Variants in PXYLP1 observed in about 807,000 individuals in gnomAD.
PXYLP1 encodes acid phosphatase-like 2.
Under a neutral mutation model 37.9 loss-of-function variants are expected in PXYLP1, and 17 were observed. That is an observed-to-expected ratio of 0.45 (90% CI 0.31 to 0.67). The LOEUF (loss-of-function observed/expected upper bound fraction) is 0.67, where lower values mean the gene tolerates loss of function less well. PXYLP1 is among the 30% of genes least tolerant of loss of function. PXYLP1 has a pLI of 0.07. For synonymous variants in PXYLP1, 221 were observed against 232.2 expected (o/e 0.95, Z 0.44); for missense variants, 511 against 612.0 (o/e 0.84, Z 1.74).
chr3:141,287,186 T>C, intron 4 of PXYLP1, 128 bp from the exon 5 acceptor site: 1 of 926,154 alleles, frequency 1.1e-6, no homozygotes, highest in Non-Finnish European at 1.7e-6. Context: ...GAAAAGTGAT[T>C]GAGCCGGTAC....
chr3:141,294,700 A>G lies in PXYLP1; in HGVS notation c.*1495A>G, dbSNP rs1942309057. 6.6e-6 allele frequency: 1 copy of G among 152,224 alleles called. No homozygotes were observed. The highest frequency in any genetic ancestry group is 1.9e-4 in the East Asian group (1 of 5,202). 9.4% of individuals were successfully genotyped at this position (152,224 alleles called of 1,614,324 possible). On this transcript the variant is annotated 3_prime_UTR_variant, in exon 6 of 6. Coordinates refer to ENST00000286353, the MANE Select transcript of PXYLP1 (RefSeq NM_001037172.3). ...GAGTTATTTTCAAGTGAGAGCCAGT[A>G]TTTTATTTTTCCCCCTTCATTCAAA...
At chr3:141,263,008 GC>G (rs758627148) in intron 2 of PXYLP1, among the ~76,000 whole-genome samples, 1 of 152,118 alleles carries the variant, frequency 6.6e-6, no homozygotes, top group Non-Finnish European at 1.5e-5. Context: ...GTTTTCTCAT[GC>G]TTTAAGTAAA....
rs148105189 is a variant in PXYLP1 at position 141,253,325 on chromosome 3, G to T, written c.-53-6798G>T. 2.4e-3 allele frequency among the ~76,000 whole-genome samples: 358 copies of T among 152,310 alleles called. 3 individuals are homozygous for T. The highest frequency in any genetic ancestry group is 8.2e-3 in the African/African-American group (342 of 41,546). On this transcript the variant is annotated intron_variant, in intron 1 of 5. Transcript: ENST00000286353. ...TGGCAGGGGCACCCCAGCTCCGCCT[G>T]TGTGGCCTCTGGGCAGCTGGCTTTC...
chr3:141,237,300 G>C (rs1434736286), intron 1 of PXYLP1, among the ~76,000 whole-genome samples: 1 of 152,214 alleles, frequency 6.6e-6, no homozygotes, highest in Non-Finnish European at 1.5e-5. Context: ...GTAGCACCCA[G>C]AAACCTGAAA....
At chr3:141,283,944 A>C (rs1471274598) in intron 4 of PXYLP1, among the ~76,000 whole-genome samples, 2 of 152,068 alleles carry the variant, frequency 1.3e-5, no homozygotes, top group Admixed American at 1.3e-4. Context: ...GAATGACTTG[A>C]AGGCTTAAGA....
In PXYLP1 at chr3:141,293,135, G is replaced by A. The variant is rs940250582; in HGVS notation, c.1373G>A (p.Arg458Lys). 8 of 1,614,034 alleles carry A rather than the reference G, an allele frequency of 5.0e-6. No individual in the cohort carries two copies. The highest frequency in any genetic ancestry group is 5.9e-6 in the Non-Finnish European group (7 of 1,180,050). ...GAAAACTTGGTCCGCTTTGTGAAAA[G>A]GGACATGTTTGTAGCCCTGGGTGGC... ...PLENLVRFVK[R>K]DMFVALGGSG... is the part of the protein sequence containing the mutation. Residue 458 changes from arginine (R) to lysine (K), a missense_variant, in exon 6 of 6, where the codon AGG becomes AAG. Coordinates refer to ENST00000286353, the MANE Select transcript of PXYLP1 (RefSeq NM_001037172.3).
intron 2 of PXYLP1, among the ~76,000 whole-genome samples, chr3:141,271,822 G>A (rs1576595845): frequency 6.6e-6 from 1 of 152,274 alleles, no homozygotes; most frequent in East Asian, 1.9e-4. Context: ...TCATCCCTGG[G>A]CTAGTTAGCA....
At chr3:141,272,059 G>A (rs772805366) in intron 2 of PXYLP1, among the ~76,000 whole-genome samples, 4 of 152,214 alleles carry the variant, frequency 2.6e-5, no homozygotes, top group Non-Finnish European at 4.4e-5. Flanking sequence ...GCAAGAAGAA[G>A]GCCACATATG....
In PXYLP1 at chr3:141,282,542, C is replaced by T. The variant is rs369783756; in HGVS notation, c.365+3038C>T. The stretch of plus-strand genomic sequence containing the variant: ...GTGTTCATTGTGTATTGTCTGCTTC[C>T]CCAGGCTAGAATATAACCTCCCTAA... On this transcript the variant is annotated intron_variant, in intron 4 of 5. Coordinates refer to ENST00000286353, the MANE Select transcript of PXYLP1 (RefSeq NM_001037172.3). Among the ~76,000 whole-genome samples the T allele has an allele frequency of 2.2e-3, 331 of 151,980 alleles. 2 individuals carry two copies. The highest frequency in any genetic ancestry group is 7.8e-3 in the African/African-American group (322 of 41,368).
chr3:141,236,325 A>G (rs1249736201), intron 1 of PXYLP1: 1 of 152,208 alleles, frequency 6.6e-6, no homozygotes, highest in Non-Finnish European at 1.5e-5. Flanking sequence ...CCTGGGTGTG[A>G]CCAGCTTCCT....
chr3:141,246,560 G>A (rs1940962443), intron 1 of PXYLP1, among the ~76,000 whole-genome samples: 1 of 152,186 alleles, frequency 6.6e-6, no homozygotes, highest in East Asian at 1.9e-4. Flanking sequence ...CAGCATGCTG[G>A]CTGGAGGCAG....
At chr3:141,245,403 C>T (rs953379232) in intron 1 of PXYLP1, among the ~76,000 whole-genome samples, 3 of 152,176 alleles carry the variant, frequency 2.0e-5, no homozygotes, top group African/African-American at 7.2e-5. Flanking sequence ...TCTTTCCATC[C>T]TGGTTTTCCA....
At position 141,262,825 on chromosome 3, in the gene PXYLP1, A is replaced by G. The variant is rs139142633; in HGVS notation, c.79+2571A>G. On this transcript the variant is annotated intron_variant, in intron 2 of 5. Coordinates refer to ENST00000286353, the MANE Select transcript of PXYLP1 (RefSeq NM_001037172.3). Reference sequence around the variant, plus strand: ...GTTGCTTATTATTATACTGTAAGAAACAGCACTAATTCATAACGCACAGGT... The same window carrying G: ...GTTGCTTATTATTATACTGTAAGAAGCAGCACTAATTCATAACGCACAGGT... The G allele has an allele frequency of 1.6e-3, 1,401 of 859,598 alleles. 3 individuals are homozygous for G. Among genetic ancestry groups the G allele is most frequent in the Middle Eastern group, 4.0e-3 (16 of 3,992 alleles). 53.2% of individuals were successfully genotyped at this position (859,598 alleles called of 1,614,324 possible).
rs778386768 is a variant in PXYLP1, at chr3:141,260,191, C to T, written c.16C>T (p.Arg6Cys). 32 of 1,613,766 alleles carry T rather than the reference C, an allele frequency of 2.0e-5. No individual in the cohort carries two copies. Among genetic ancestry groups the T allele is most frequent in the East Asian group, 6.7e-5 (3 of 44,898 alleles). ...ATACTTAATAATGCTTTTCCGCAAC[C>T]GCTTCTTGCTGCTGCTGGCCCTGGC... is the stretch of plus-strand genomic sequence containing the variant. MLFRN[R>C]FLLLLALAAL... Residue 6 changes from arginine (R) to cysteine (C), a missense_variant, in exon 2 of 6, where the codon CGC becomes TGC. Arg to Cys is a radical substitution (Grantham distance 180). Transcript: ENST00000286353.
chr3:141,293,229 G>T lies in PXYLP1; in HGVS notation c.*24G>T, dbSNP rs771937910. ...AAAAGGTATGCAGTACAGCAGTATA[G>T]AATCCATGCCAATACAGAGCATAGG... is the stretch of plus-strand genomic sequence containing the variant. On this transcript the variant is annotated 3_prime_UTR_variant, in exon 6 of 6. Coordinates refer to ENST00000286353, the MANE Select transcript of PXYLP1 (RefSeq NM_001037172.3). 4.4e-6 allele frequency: 7 copies of T among 1,595,782 alleles called. No homozygotes were observed. The South Asian group carries it at 6.8e-5, about 16-fold the overall frequency.
At chr3:141,265,913 G>A (rs949720483) in intron 2 of PXYLP1, among the ~76,000 whole-genome samples, 1 of 152,308 alleles carries the variant, frequency 6.6e-6, no homozygotes, top group South Asian at 2.1e-4. Context: ...CTAAGCAGCA[G>A]GACAATCTGG....
At chr3:141,270,989 C>G (rs941661680) in intron 2 of PXYLP1, among the ~76,000 whole-genome samples, 1 of 152,204 alleles carries the variant, frequency 6.6e-6, no homozygotes, top group Admixed American at 6.5e-5. Context: ...CTCCTGAGCT[C>G]AAGCGATCCT....
intron 1 of PXYLP1, among the ~76,000 whole-genome samples, chr3:141,246,657 G>A (rs1940965804): frequency 6.6e-6 from 1 of 152,156 alleles, no homozygotes; most frequent in Non-Finnish European, 1.5e-5. Flanking sequence ...ACAAATATTG[G>A]TTAAGCACCT....
In PXYLP1 at chr3:141,292,251, G is replaced by A. The variant is rs780279890; in HGVS notation, c.506-17G>A. On this transcript the variant is annotated splice_polypyrimidine_tract_variant and intron_variant, in intron 5 of 5. Transcript: ENST00000286353. This position sits in a 1 kb window ranked among gnomAD's most constrained non-coding sequence, Gnocchi z 4.3. The stretch of plus-strand genomic sequence containing the variant: ...CTCAGCTGGAAGTAAGGTAAGCTTT[G>A]TGTGCTTGTGTTTCAGGAGTTGTGC... The A allele has an allele frequency of 1.9e-6, 3 of 1,565,416 alleles. No individual in the cohort carries two copies. Among genetic ancestry groups the A allele is most frequent in the East Asian group, 2.2e-5 (1 of 44,522 alleles).
Sources: allele counts gnomAD v4.1 joint callset (sites outside exome capture counted in the v4.1 genomes callset), GRCh38; gene constraint gnomAD v4.1.1; non-coding constraint Gnocchi (gnomAD v3.1); transcripts MANE v1.5; gene names NCBI Gene and HGNC (gene_info 2026-07-23, HGNC 2026-07-21).